The following SLC12A6 variants were observed in gnomAD, a reference collection of about 807,000 sequenced individuals.
The protein encoded by SLC12A6 is K-Cl cotransporter 3.
SLC12A6 carries 66 observed loss-of-function variants against 135.3 expected under a neutral mutation model. The observed-to-expected ratio is 0.49, with a 90% confidence interval of 0.40 to 0.60. The LOEUF (loss-of-function observed/expected upper bound fraction) is 0.60. Among genes scored for constraint, SLC12A6 ranks in the 20% least tolerant of loss-of-function variants. SLC12A6 has a pLI of 0.00. For synonymous variants in SLC12A6, 513 were observed against 508.8 expected (o/e 1.01, Z -0.11); for missense variants, 1,058 against 1,452.3 (o/e 0.73, Z 4.41).
intron 2 of SLC12A6, among the ~76,000 whole-genome samples, chr15:34,289,119 G>A (rs1364901249): frequency 1.3e-5 from 2 of 152,164 alleles, no homozygotes; most frequent in South Asian, 2.1e-4. Context: ...CTGGCTGTGG[G>A]TTTGACATGA....
chr15:34,297,126 A>C (rs347840), intron 2 of SLC12A6, among the ~76,000 whole-genome samples: 8,309 of 152,282 alleles, frequency 0.055, 752 homozygotes, highest in African/African-American at 0.19. Context: ...TTGTGCTAGA[A>C]TATCTTTAAA....
chr15:34,297,290 G>C (rs1054017451), intron 2 of SLC12A6, among the ~76,000 whole-genome samples: 3 of 151,980 alleles, frequency 2.0e-5, no homozygotes, highest in Non-Finnish European at 4.4e-5. Flanking sequence ...TAGTGACAAC[G>C]TTCCTTTTTA....
chr15:34,317,842 T>C (rs372718999), intron 2 of SLC12A6, among the ~76,000 whole-genome samples: 12 of 152,242 alleles, frequency 7.9e-5, no homozygotes, highest in Non-Finnish European at 1.2e-4. Flanking sequence ...TTTAATACTA[T>C]AATATTAACA....
chr15:34,317,830 T>C (rs888881893), intron 2 of SLC12A6, among the ~76,000 whole-genome samples: 10 of 152,242 alleles, frequency 6.6e-5, no homozygotes, highest in Non-Finnish European at 1.5e-4. Context: ...ATTACAACTA[T>C]ATTTAATACT....
rs747243268 is a variant in SLC12A6, at chr15:34,261,024, G to GAA, written c.317-6_317-5dup. 1.0e-4 allele frequency: 132 copies of GAA among 1,300,996 alleles called. No individual in the cohort carries two copies. Among genetic ancestry groups the GAA allele is most frequent in the Middle Eastern group, 2.0e-4 (1 of 5,124 alleles). The allele number at this position is 1,300,996 out of a possible 1,614,324, so 80.6% of individuals were successfully genotyped here. On this transcript the variant is annotated splice_region_variant and splice_polypyrimidine_tract_variant and intron_variant, in intron 3 of 25. Coordinates refer to ENST00000354181, the MANE Select transcript of SLC12A6 (RefSeq NM_001365088.1). ...CGAGCTTTCTTATGTCCGTCGTCTGGAAAAAAAAAAGTAGACCAAGTTAGT... is the reference window on the plus strand; with the variant it reads ...CGAGCTTTCTTATGTCCGTCGTCTGGAAAAAAAAAAAAGTAGACCAAGTTAGT...
chr15:34,289,150 A>G (rs1428536377), intron 2 of SLC12A6, among the ~76,000 whole-genome samples: 2 of 152,108 alleles, frequency 1.3e-5, no homozygotes, highest in Admixed American at 1.3e-4. Context: ...TTATTTTGAG[A>G]TATGTTCCAT....
In SLC12A6 at chr15:34,235,198, G is replaced by C; in HGVS notation, c.3344C>G (p.Pro1115Arg). Residue 1115 changes from proline (P) to arginine (R), a missense_variant, in exon 25 of 26, where the codon CCT becomes CGT. Pro to Arg is a moderately radical substitution (Grantham distance 103). Transcript: ENST00000354181. ...AAGGATACAGTTTTCATCACCCTCA[G>C]GGTTTCGGGGTGGCCCTGGCATATT... ...LLNMPGPPRN[P>R]EGDENYMEFL... is the part of the protein sequence containing the mutation. The C allele has an allele frequency of 6.2e-7, 1 of 1,614,054 alleles. No homozygotes were observed. The highest frequency in any genetic ancestry group is 8.5e-7 in the Non-Finnish European group (1 of 1,179,896).
intron 7 of SLC12A6, among the ~76,000 whole-genome samples, chr15:34,255,936 C>T (rs1174939941): frequency 6.6e-6 from 1 of 152,012 alleles, no homozygotes; most frequent in African/African-American, 2.4e-5. Context: ...TCACTGCACT[C>T]CAGCCTGGGT....
chr15:34,236,589 G>A (rs527257424), intron 23 of SLC12A6, 119 bp downstream of exon 23: 12 of 734,970 alleles, frequency 1.6e-5, no homozygotes, highest in East Asian at 5.4e-5. Context: ...TGATCCACCC[G>A]CCTCGGCCTC....
chr15:34,317,050 C>T (rs992194341), intron 2 of SLC12A6, among the ~76,000 whole-genome samples: 20 of 152,272 alleles, frequency 1.3e-4, no homozygotes, highest in Admixed American at 2.6e-4. Context: ...TAAATAAATA[C>T]ACACAGGCCT....
chr15:34,327,657 C>CAA (rs80177584), intron 2 of SLC12A6, among the ~76,000 whole-genome samples: 2 of 131,128 alleles, frequency 1.5e-5, no homozygotes, highest in African/African-American at 2.8e-5. Context: ...GACTCTGTCT[C>CAA]AAAAAAAAAA....
At chr15:34,288,662 G>C (rs1895295302) in intron 2 of SLC12A6, among the ~76,000 whole-genome samples, 1 of 151,924 alleles carries the variant, frequency 6.6e-6, no homozygotes, top group Non-Finnish European at 1.5e-5. Context: ...TATTTCCTTG[G>C]GCAGTGGTTT....
intron 2 of SLC12A6, among the ~76,000 whole-genome samples, chr15:34,280,498 A>T (rs1185650529): frequency 1.3e-5 from 2 of 152,212 alleles, no homozygotes; most frequent in African/African-American, 2.4e-5. Context: ...AAAAAACCAA[A>T]GCGTCATCAT....
At chr15:34,245,438 ACT>A in intron 14 of SLC12A6, 35 bp from the exon 15 acceptor site, 1 of 1,197,506 alleles carries the variant, frequency 8.4e-7, no homozygotes, top group South Asian at 1.2e-5. Context: ...GCACAGGAGT[ACT>A]GAGTCATTGC....
At chr15:34,289,981 C>G (rs1428690506) in intron 2 of SLC12A6, among the ~76,000 whole-genome samples, 2 of 152,108 alleles carry the variant, frequency 1.3e-5, no homozygotes, top group Admixed American at 1.3e-4. Context: ...TCCTTCAGTT[C>G]TGTTCTGATC....
chr15:34,328,395 C>T (rs992276951), intron 2 of SLC12A6, among the ~76,000 whole-genome samples: 6 of 152,086 alleles, frequency 3.9e-5, no homozygotes, highest in Admixed American at 1.3e-4. Flanking sequence ...AAAAGTAAGA[C>T]GCACCTGAAT....
intron 2 of SLC12A6, among the ~76,000 whole-genome samples, chr15:34,330,099 C>T (rs1275641900): frequency 1.1e-4 from 16 of 152,136 alleles, no homozygotes; most frequent in Non-Finnish European, 2.4e-4. Flanking sequence ...TTCCCCCACT[C>T]GTCTCAAAAG....
At chr15:34,292,691 C>A (rs1475564855) in intron 2 of SLC12A6, among the ~76,000 whole-genome samples, 1 of 152,112 alleles carries the variant, frequency 6.6e-6, no homozygotes, top group Non-Finnish European at 1.5e-5. Flanking sequence ...CAAGTGAGCA[C>A]AGAACTGCCT....
chr15:34,325,622 T>C lies in SLC12A6; in HGVS notation c.271+10788A>G, dbSNP rs115312119. 8.4e-3 allele frequency among the ~76,000 whole-genome samples: 1,273 copies of C among 152,290 alleles called. 20 individuals carry two copies. The highest frequency in any genetic ancestry group is 0.029 in the African/African-American group (1,220 of 41,560). On this transcript the variant is annotated intron_variant, in intron 2 of 25. Coordinates refer to ENST00000354181, the MANE Select transcript of SLC12A6 (RefSeq NM_001365088.1). ...CCAGTGCTACCTCTTTGGTTGGTGA[T>C]TTATATATTTATAAATATATAAAAG...
Sources: allele counts gnomAD v4.1 joint callset (sites outside exome capture counted in the v4.1 genomes callset), GRCh38; gene constraint gnomAD v4.1.1; transcripts MANE v1.5; gene names NCBI Gene and HGNC (gene_info 2026-07-23, HGNC 2026-07-21).